Variants in C9orf153 observed in about 807,000 individuals in gnomAD.
C9orf153 encodes chromosome 9 open reading frame 153.
In C9orf153, 10 loss-of-function variants were observed where a neutral mutation model predicts 9.0. The ratio of observed to expected loss-of-function variants is 1.11; its 90% CI spans 0.69 to 1.89. The LOEUF (loss-of-function observed/expected upper bound fraction) is 1.89, where lower values mean the gene tolerates loss of function less well. Ranked by LOEUF, C9orf153 falls within the 40% of genes most tolerant of loss-of-function variation. The pLI is 0.00. For synonymous variants in C9orf153, 35 were observed against 37.3 expected, an observed-to-expected ratio of 0.94 and a Z score of 0.23; for missense variants, 108 against 111.0, an observed-to-expected ratio of 0.97 and a Z score of 0.12.
chr9:86,247,891 C>A (rs1046564870), intron 1 of C9orf153, among the ~76,000 whole-genome samples: 5 of 152,086 alleles, frequency 3.3e-5, no homozygotes, highest in African/African-American at 1.2e-4. Context: ...AGAGGCAGTC[C>A]TCTGACGGTC....
In C9orf153 at chr9:86,227,292, A is replaced by C. The variant is rs1323021155; in HGVS notation, c.242+563T>G. On this transcript the variant is annotated intron_variant, in intron 3 of 3. Transcript: ENST00000339137. ...CTCTCGGGTAGCCGAGATTACAGGC[A>C]CATGCCACCAAGCTCAGCTAATTTT... The C allele has an allele frequency of 2.1e-6, 3 of 1,422,366 alleles. No homozygotes were observed. The African/African-American group carries it at 4.4e-5, about 21-fold the overall frequency. 88.1% of individuals were successfully genotyped at this position (1,422,366 alleles called of 1,614,324 possible). A position where few individuals can be genotyped will look rare whatever the true frequency, so the allele number is the denominator to read the frequency against.
In C9orf153 at chr9:86,254,038, C is replaced by T. The variant is rs554523713; in HGVS notation, c.-27+5512G>A. ...CCTGGGAGGCAGAGGTTGCAGTGAG[C>T]CGAGATTGCGCCATTGCACTCCAGC... On this transcript the variant is annotated intron_variant, in intron 1 of 3. Transcript: ENST00000339137. 2.7e-5 allele frequency among the ~76,000 whole-genome samples: 4 copies of T among 148,776 alleles called. No individual in the cohort carries two copies. In the East Asian group the frequency reaches 8.1e-4, roughly 30 times the overall value.
At chr9:86,224,642 A>G (rs538003031) in intron 3 of C9orf153, among the ~76,000 whole-genome samples, 1 of 152,076 alleles carries the variant, frequency 6.6e-6, no homozygotes, top group Non-Finnish European at 1.5e-5. Flanking sequence ...ATATATGTAC[A>G]ATGACAATGT....
At chr9:86,227,291 C>A in intron 3 of C9orf153, 1 of 1,420,370 alleles carries the variant, frequency 7.0e-7, no homozygotes, top group South Asian at 1.6e-5. Flanking sequence ...AGATTACAGG[C>A]ACATGCCACC....
At chr9:86,237,376 A>G (rs184799028) in intron 1 of C9orf153, among the ~76,000 whole-genome samples, 7 of 152,326 alleles carry the variant, frequency 4.6e-5, no homozygotes, top group Admixed American at 4.6e-4. Context: ...TAAATACACT[A>G]ATTAGAAACA....
chr9:86,251,004 C>T (rs1824982519), intron 1 of C9orf153, among the ~76,000 whole-genome samples: 1 of 152,222 alleles, frequency 6.6e-6, no homozygotes, highest in South Asian at 2.1e-4. Context: ...GGCAATCCTC[C>T]TGCCTCGCCC....
intron 1 of C9orf153, among the ~76,000 whole-genome samples, chr9:86,237,565 G>T (rs1483083764): frequency 6.6e-6 from 1 of 152,194 alleles, no homozygotes; most frequent in East Asian, 1.9e-4. Context: ...CTACATGTGC[G>T]TGCCACTGTA....
chr9:86,249,932 A>G (rs1824958442), intron 1 of C9orf153, among the ~76,000 whole-genome samples: 1 of 152,194 alleles, frequency 6.6e-6, no homozygotes, highest in Non-Finnish European at 1.5e-5. Context: ...GAAATTTACT[A>G]GAGTACATAG....
chr9:86,239,745 C>T (rs1824690507), intron 1 of C9orf153, among the ~76,000 whole-genome samples: 2 of 152,116 alleles, frequency 1.3e-5, no homozygotes, highest in South Asian at 4.1e-4. Flanking sequence ...GAATTGTATG[C>T]TAAAAAGAGT....
intron 1 of C9orf153, among the ~76,000 whole-genome samples, chr9:86,247,417 C>T (rs1425391552): frequency 6.6e-6 from 1 of 152,106 alleles, no homozygotes; most frequent in Non-Finnish European, 1.5e-5. Context: ...CGTGGTGGCT[C>T]ACATCTGTAA....
chr9:86,252,994 C>CTT (rs35571795), intron 1 of C9orf153, among the ~76,000 whole-genome samples: 12 of 149,802 alleles, frequency 8.0e-5, no homozygotes, highest in South Asian at 4.2e-4. Flanking sequence ...GTTAAGAAAA[C>CTT]TTTTTTTTTT....
intron 2 of C9orf153, chr9:86,228,990 G>A (rs543138558): frequency 7.0e-5 from 19 of 271,162 alleles, no homozygotes; most frequent in African/African-American, 3.2e-4. Flanking sequence ...AGTAAGAGGC[G>A]ACAAGGGCCC....
intron 1 of C9orf153, among the ~76,000 whole-genome samples, chr9:86,235,741 CAAAAAAAAA>C (rs60165641): frequency 7.3e-4 from 16 of 22,050 alleles, no homozygotes; most frequent in South Asian, 3.8e-3. Flanking sequence ...GACTCCATCT[CAAAAAAAAA>C]AAAAAAAAAA....
intron 1 of C9orf153, among the ~76,000 whole-genome samples, chr9:86,241,619 G>A (rs6559918): frequency 0.32 from 48,596 of 151,870 alleles, 8,038 homozygotes; most frequent in East Asian, 0.42. Flanking sequence ...AGGAAAAGTC[G>A]TACATTTCGT....
chr9:86,240,799 C>G (rs1183978996), intron 1 of C9orf153, among the ~76,000 whole-genome samples: 1 of 149,422 alleles, frequency 6.7e-6, no homozygotes, highest in Non-Finnish European at 1.5e-5. Context: ...ACCTCCACCT[C>G]CCGGGTTCAA....
intron 1 of C9orf153, among the ~76,000 whole-genome samples, chr9:86,235,296 GA>G (rs1824556900): frequency 6.6e-6 from 1 of 152,158 alleles, no homozygotes; most frequent in East Asian, 1.9e-4. Context: ...TATATAAGCA[GA>G]AGATGAGAAT....
At chr9:86,241,793 T>C (rs1824750344) in intron 1 of C9orf153, among the ~76,000 whole-genome samples, 1 of 152,026 alleles carries the variant, frequency 6.6e-6, no homozygotes, top group Non-Finnish European at 1.5e-5. Context: ...GCCTGGCTAA[T>C]TTTTCTATTT....
At chr9:86,229,777 T>A in intron 1 of C9orf153, 148 bp from the exon 2 acceptor site, 1 of 568,982 alleles carries the variant, frequency 1.8e-6, no homozygotes, top group Admixed American at 3.1e-5. Flanking sequence ...ATTCTTGAAT[T>A]GCTCTAAAGA....
chr9:86,242,920 C>T (rs1824780025), intron 1 of C9orf153, among the ~76,000 whole-genome samples: 1 of 152,104 alleles, frequency 6.6e-6, no homozygotes, highest in African/African-American at 2.4e-5. Flanking sequence ...CTCAGGTGAT[C>T]CACCCACCTC....
Sources: allele counts gnomAD v4.1 joint callset (sites outside exome capture counted in the v4.1 genomes callset), GRCh38; gene constraint gnomAD v4.1.1; transcripts MANE v1.5; gene names NCBI Gene and HGNC (gene_info 2026-07-23, HGNC 2026-07-21).